HLTF: variants seen among roughly 807,000 people sequenced by gnomAD.
HLTF encodes the protein DNA-dependent ATPase/E3 ubiquitin-protein ligase HLTF.
HLTF carries 127 observed loss-of-function variants against 129.4 expected under a neutral mutation model. The observed-to-expected ratio is 0.98, with a 90% CI of 0.85 to 1.14. The LOEUF (loss-of-function observed/expected upper bound fraction) is 1.14. Among genes scored for constraint, HLTF ranks in the 50% most tolerant of loss-of-function variants. The pLI, the probability that HLTF is intolerant of heterozygous loss-of-function variation, is 0.00. For missense variants in HLTF, 1,139 were observed against 1,187.1 expected, an observed-to-expected ratio of 0.96 and a Z score of 0.60; for synonymous variants, 332 against 388.8, an observed-to-expected ratio of 0.85 and a Z score of 1.72.
At chr3:149,036,582 C>G (rs1197188203) in intron 23 of HLTF, among the ~76,000 whole-genome samples, 3 of 151,970 alleles carry the variant, frequency 2.0e-5, no homozygotes, top group African/African-American at 7.2e-5. Flanking sequence ...AGCCTCCGCG[C>G]CAGGCCATAT....
At chr3:149,043,274 TGA>T in intron 18 of HLTF, among the ~76,000 whole-genome samples, 1 of 151,392 alleles carries the variant, frequency 6.6e-6, no homozygotes, top group East Asian at 1.9e-4. Flanking sequence ...GACTAGTCAC[TGA>T]TAAAAACATA....
chr3:149,040,071 C>T lies in HLTF; in HGVS notation c.2462G>A (p.Ser821Asn). 1 of 1,611,368 alleles carries T rather than the reference C, an allele frequency of 6.2e-7. No individual in the cohort carries two copies. Among genetic ancestry groups the T allele is most frequent in the Non-Finnish European group, 8.5e-7 (1 of 1,178,884 alleles). The change falls in exon 21 of 25, where the codon AGT becomes AAT. Residue 821 changes from serine to asparagine, a missense_variant. By Grantham distance (46) the Ser-to-Asn change is conservative (BLOSUM62 1). Transcript: ENST00000310053. The stretch of plus-strand genomic sequence containing the variant: ...CCATTCCATATCAGACTTTTTCTCA[C>T]TGTCACGTGCTAATTCTTCTGGAGG... ...ECPPEELARD[S>N]EKKSDMEWTS...
intron 4 of HLTF, 65 bp from the exon 5 acceptor site, chr3:149,073,387 T>A: frequency 1.7e-6 from 2 of 1,188,798 alleles, no homozygotes; most frequent in Non-Finnish European, 2.5e-6. Context: ...TTTTATTAAG[T>A]AGCTTTTAAA....
In HLTF at chr3:149,048,932, G is replaced by A. The variant is rs772575050; in HGVS notation, c.1687C>T (p.Arg563Ter). 5 of 1,610,960 alleles carry A rather than the reference G, an allele frequency of 3.1e-6. No homozygotes were observed. The highest frequency in any genetic ancestry group is 1.1e-5 in the South Asian group (1 of 91,022). ...RVILDEGHAI[R>*]NPNAQQTKAV... ...TTTGTCTGCTGAGCATTTGGATTTC[G>A]TATGGCATGTCCTTCATCCAGGATC... Residue 563 changes from arginine to a stop codon, truncating the protein, a stop_gained, in exon 16 of 25, where the codon CGA (arginine) becomes TGA (stop). Coordinates refer to ENST00000310053, the MANE Select transcript of HLTF (RefSeq NM_003071.4). LOFTEE classifies it high-confidence loss of function.
chr3:149,055,069 T>C (rs1412833163), intron 14 of HLTF, among the ~76,000 whole-genome samples: 1 of 152,164 alleles, frequency 6.6e-6, no homozygotes, highest in African/African-American at 2.4e-5. Flanking sequence ...ACAAACCAAA[T>C]CTTATGTTAG....
rs1444062796 is a variant in HLTF, at chr3:149,030,157, T to G, written c.*2063A>C. 1 of 152,210 alleles carries G rather than the reference T, an allele frequency of 6.6e-6. No individual in the cohort carries two copies. Among genetic ancestry groups the G allele is most frequent in the African/African-American group, 2.4e-5 (1 of 41,454 alleles). 9.4% of individuals were successfully genotyped at this position (152,210 alleles called of 1,614,324 possible). A position where few individuals can be genotyped will look rare whatever the true frequency, so the allele number is the denominator to read the frequency against. On this transcript the variant is annotated 3_prime_UTR_variant, in exon 25 of 25. Transcript: ENST00000310053. ...TTGAAATTTTTATTGATTTTTAAAT[T>G]TAAAATCCAGTTTTAACCACAAAAT...
chr3:149,075,948 G>T lies in HLTF; in HGVS notation c.328C>A (p.His110Asn). Residue 110 changes from histidine to asparagine, a missense_variant, in exon 3 of 25, where the codon CAT becomes AAT. His to Asn is a moderately conservative substitution (Grantham distance 68, BLOSUM62 1). Coordinates refer to ENST00000310053, the MANE Select transcript of HLTF (RefSeq NM_003071.4). The part of the protein sequence containing the change: ...VNNVNGNQVG[H>N]LKKELAGALA... ...GCACCTGCAAGCTCTTTCTTTAAATGGCCAACTTGATTTCCATTCACATTG... is the reference window on the plus strand; with the variant it reads ...GCACCTGCAAGCTCTTTCTTTAAATTGCCAACTTGATTTCCATTCACATTG... The T allele has an allele frequency of 6.3e-7, 1 of 1,596,136 alleles. No individual in the cohort carries two copies. The highest frequency in any genetic ancestry group is 1.1e-5 in the South Asian group (1 of 90,448).
rs544118796 is a variant in HLTF at position 149,066,135 on chromosome 3, C to T, written c.991-1269G>A. On this transcript the variant is annotated intron_variant, in intron 8 of 24. Coordinates refer to ENST00000310053, the MANE Select transcript of HLTF (RefSeq NM_003071.4). ...AATCTCGGCTCATTGAAACCTCTAC[C>T]TCCTGAGTTCAAGTGATTCTCCTGC... Among the ~76,000 whole-genome samples, 5 of 152,104 alleles carry T rather than the reference C, an allele frequency of 3.3e-5. No individual in the cohort carries two copies. In the East Asian group the frequency reaches 9.7e-4, roughly 29 times the overall value.
intron 17 of HLTF, among the ~76,000 whole-genome samples, chr3:149,047,514 G>A (rs1037673052): frequency 3.3e-5 from 5 of 152,024 alleles, no homozygotes; most frequent in African/African-American, 1.2e-4. Flanking sequence ...TGCTGGCGCA[G>A]ACCTGTAATC....
chr3:149,069,867 G>A, intron 7 of HLTF, among the ~76,000 whole-genome samples: 1 of 152,208 alleles, frequency 6.6e-6, no homozygotes, highest in Non-Finnish European at 1.5e-5. Context: ...GTGACACTAT[G>A]AACATAGTGC....
intron 8 of HLTF, among the ~76,000 whole-genome samples, chr3:149,066,872 A>G (rs1255430960): frequency 6.6e-6 from 1 of 152,206 alleles, no homozygotes; most frequent in Non-Finnish European, 1.5e-5. Flanking sequence ...AACTCTCAAT[A>G]AAAGTAGAAA....
Position 149,048,994 on chromosome 3 carries a change from C to G in HLTF, c.1625G>C (p.Gly542Ala). ...NILTHDYGTKGDSPLHSIRWL... is the reference protein window; with the variant it reads ...NILTHDYGTKADSPLHSIRWL... ...CCTTATGCTATGTAATGGACTATCT[C>G]CTTTAGTCTGAAATAAATGTTTTAT... Residue 542 changes from glycine to alanine, a missense_variant, in exon 16 of 25, where the codon GGA becomes GCA. By Grantham distance (60) the Gly-to-Ala change is moderately conservative (BLOSUM62 0). Transcript: ENST00000310053. 1 of 1,595,504 alleles carries G rather than the reference C, an allele frequency of 6.3e-7. No homozygotes were observed. Among genetic ancestry groups the G allele is most frequent in the Non-Finnish European group, 8.6e-7 (1 of 1,166,150 alleles).
chr3:149,077,412 C>T (rs577496692), intron 2 of HLTF, among the ~76,000 whole-genome samples: 38 of 152,106 alleles, frequency 2.5e-4, no homozygotes, highest in African/African-American at 8.7e-4. Flanking sequence ...TGAAGTTCCC[C>T]GGAAGACCCC....
chr3:149,064,988 T>C (rs572747804), intron 8 of HLTF, 122 bp from the exon 9 acceptor site: 1 of 504,452 alleles, frequency 2.0e-6, no homozygotes, highest in African/African-American at 2.0e-5. Flanking sequence ...TACCCAATTC[T>C]GGAGCAACTG....
intron 9 of HLTF, among the ~76,000 whole-genome samples, chr3:149,064,378 C>T (rs1718186072): frequency 6.6e-6 from 1 of 152,208 alleles, no homozygotes; most frequent in South Asian, 2.1e-4. Flanking sequence ...ATCCACAGAT[C>T]TCTTTCCATT....
At chr3:149,068,522 G>T (rs1718592405) in intron 7 of HLTF, among the ~76,000 whole-genome samples, 187 bp from the exon 8 acceptor site, 1 of 151,946 alleles carries the variant, frequency 6.6e-6, no homozygotes, top group South Asian at 2.1e-4. Flanking sequence ...GCATTATTAG[G>T]GAATTATTAA....
At position 149,071,606 on chromosome 3, in the gene HLTF, T is replaced by G; in HGVS notation, c.679A>C (p.Thr227Pro). 6.3e-7 allele frequency: 1 copy of G among 1,597,384 alleles called. No individual in the cohort carries two copies. The change falls in exon 6 of 25, where the codon ACC becomes CCC. Residue 227 changes from threonine to proline, a missense_variant. Physicochemically the swap from Thr to Pro is conservative, Grantham distance 38. Coordinates refer to ENST00000310053, the MANE Select transcript of HLTF (RefSeq NM_003071.4). ...ACCTCAGCTGGTTCCATTTCATGGG[T>G]TTTATCATCTTCTTTTAAATCTTCA... is the stretch of plus-strand genomic sequence containing the variant. ...LFEDLKEDDKTHEMEPAEAIE... is the reference protein window; with the variant it reads ...LFEDLKEDDKPHEMEPAEAIE...
chr3:149,046,795 G>T (rs1716580744), intron 17 of HLTF, among the ~76,000 whole-genome samples: 2 of 152,068 alleles, frequency 1.3e-5, no homozygotes, highest in African/African-American at 4.8e-5. Flanking sequence ...TGCTTTACAG[G>T]TTCCACAATC....
intron 1 of HLTF, 138 bp downstream of exon 1, chr3:149,086,179 C>T: frequency 1.1e-6 from 1 of 911,102 alleles, no homozygotes; most frequent in Non-Finnish European, 1.8e-6. Context: ...TCTCCGGCGG[C>T]CACATATGCG....
Sources: gnomAD v4.1 joint callset for allele counts (sites outside exome capture counted in the v4.1 genomes callset) on GRCh38, gnomAD v4.1.1 for gene constraint, MANE v1.5 for transcripts, NCBI Gene and HGNC (gene_info 2026-07-23, HGNC 2026-07-21) for gene names.